GRID2: variants seen among roughly 807,000 people sequenced by gnomAD.
The protein encoded by GRID2 is glutamate receptor ionotropic, delta-2.
A neutral mutation model predicts 114.8 loss-of-function variants in GRID2; 33 were observed. That is an observed-to-expected ratio of 0.29 (90% CI 0.22 to 0.38). The LOEUF (loss-of-function observed/expected upper bound fraction) is 0.38, where lower values mean the gene tolerates loss of function less well. GRID2 is among the 10% of genes least tolerant of loss of function. GRID2 has a pLI of 1.00. For synonymous variants in GRID2, 505 were observed against 449.9 expected, an observed-to-expected ratio of 1.12 and a Z score of -1.55; for missense variants, 1,184 against 1,257.7, an observed-to-expected ratio of 0.94 and a Z score of 0.89.
chr4:92,524,431 G>C (rs751704822), intron 1 of GRID2, among the ~76,000 whole-genome samples: 2 of 52,966 alleles, frequency 3.8e-5, no homozygotes, highest in South Asian at 1.1e-3. Context: ...TTTTTTTTTT[G>C]TTTACCATCT....
chr4:93,144,687 G>C (rs979622454), intron 4 of GRID2, among the ~76,000 whole-genome samples: 1 of 152,154 alleles, frequency 6.6e-6, no homozygotes, highest in African/African-American at 2.4e-5. Flanking sequence ...ACCAAATCAG[G>C]TCAGAACCAG....
intron 2 of GRID2, among the ~76,000 whole-genome samples, chr4:92,944,013 T>C (rs1751394690): frequency 6.6e-6 from 1 of 152,176 alleles, no homozygotes; most frequent in Admixed American, 6.5e-5. Context: ...TGCCTCCCAG[T>C]TAGGCTACTC....
At chr4:92,446,700 A>G (rs983354909) in intron 1 of GRID2, among the ~76,000 whole-genome samples, 5 of 152,146 alleles carry the variant, frequency 3.3e-5, no homozygotes, top group Non-Finnish European at 7.3e-5. Context: ...TTGTATATTT[A>G]CTTGACTCAT....
At chr4:93,123,501 G>A (rs1009304436) in intron 4 of GRID2, among the ~76,000 whole-genome samples, 1 of 152,140 alleles carries the variant, frequency 6.6e-6, no homozygotes, top group African/African-American at 2.4e-5. Flanking sequence ...GCAAGTCAGT[G>A]TGGGAAGAGC....
At chr4:92,547,126 G>T (rs78592900) in intron 1 of GRID2, among the ~76,000 whole-genome samples, 27,778 of 152,024 alleles carry the variant, frequency 0.18, 2,746 homozygotes, top group African/African-American at 0.27. Flanking sequence ...TAAATATTTG[G>T]TCTCTATTAT....
At position 92,805,263 on chromosome 4, in the gene GRID2, A is replaced by G. The variant is rs185112773; in HGVS notation, c.244+214977A>G. Among the ~76,000 whole-genome samples, 411 of 151,974 alleles carry G rather than the reference A, an allele frequency of 2.7e-3. 1 individual carries two copies. The highest frequency in any genetic ancestry group is 5.0e-3 in the Non-Finnish European group (342 of 67,906). On this transcript the variant is annotated intron_variant, in intron 2 of 15. Transcript: ENST00000282020. ...TTTCTCTCTCTCTCTCTGTGCTTCA[A>G]CTACCTCATTTATACAGTTATTTTA...
chr4:93,032,397 G>A (rs529677075), intron 2 of GRID2, among the ~76,000 whole-genome samples: 1 of 152,114 alleles, frequency 6.6e-6, no homozygotes, highest in East Asian at 1.9e-4. Flanking sequence ...TTCCTTTTCT[G>A]GGGGTATTTA....
chr4:93,316,336 GAAA>G (rs55904921), intron 8 of GRID2, among the ~76,000 whole-genome samples: 20 of 53,408 alleles, frequency 3.7e-4, no homozygotes, highest in African/African-American at 1.2e-3. Flanking sequence ...AAGAAAGAAA[GAAA>G]GAAGGAAGGA....
At chr4:92,448,200 C>T (rs1173870958) in intron 1 of GRID2, among the ~76,000 whole-genome samples, 1 of 151,916 alleles carries the variant, frequency 6.6e-6, no homozygotes, top group East Asian at 1.9e-4. Context: ...CAGTCTCACT[C>T]TGTCACCCAG....
intron 12 of GRID2, among the ~76,000 whole-genome samples, chr4:93,502,097 G>A (rs1441744315): frequency 6.6e-6 from 1 of 152,086 alleles, no homozygotes; most frequent in Non-Finnish European, 1.5e-5. Flanking sequence ...ATCCTTTTGT[G>A]AAATTAATGT....
chr4:92,311,074 T>C (rs1204002465), intron 1 of GRID2, among the ~76,000 whole-genome samples: 1 of 152,042 alleles, frequency 6.6e-6, no homozygotes, highest in Non-Finnish European at 1.5e-5. Context: ...TGTCTATTAT[T>C]AGTACCAAGG....
chr4:92,917,236 G>A (rs913720347), intron 2 of GRID2, among the ~76,000 whole-genome samples: 7 of 152,078 alleles, frequency 4.6e-5, no homozygotes, highest in Non-Finnish European at 1.0e-4. Flanking sequence ...ATTTTTTTGA[G>A]TTCATTGTAG....
intron 2 of GRID2, among the ~76,000 whole-genome samples, chr4:92,858,558 GT>G (rs1015403873): frequency 6.6e-6 from 1 of 151,786 alleles, no homozygotes; most frequent in Non-Finnish European, 1.5e-5. Context: ...GAGTTTGTTT[GT>G]TTTTTTTCTT....
chr4:92,729,799 A>G (rs1049897149), intron 2 of GRID2, among the ~76,000 whole-genome samples: 1 of 148,914 alleles, frequency 6.7e-6, no homozygotes, highest in East Asian at 2.1e-4. Context: ...TCCTTGAAGT[A>G]TTGCAAAAAT....
chr4:92,875,649 A>G (rs1393760953), intron 2 of GRID2, among the ~76,000 whole-genome samples: 2 of 152,170 alleles, frequency 1.3e-5, no homozygotes, highest in African/African-American at 2.4e-5. Context: ...CAGATATGGC[A>G]CAATACATGG....
At chr4:92,801,543 T>C (rs1740170482) in intron 2 of GRID2, among the ~76,000 whole-genome samples, 1 of 151,944 alleles carries the variant, frequency 6.6e-6, no homozygotes, top group Non-Finnish European at 1.5e-5. Context: ...CATATAGATT[T>C]CTTTGTTTTA....
chr4:93,428,800 A>G (rs1477372812), intron 10 of GRID2, among the ~76,000 whole-genome samples: 9 of 152,206 alleles, frequency 5.9e-5, no homozygotes, highest in Non-Finnish European at 1.3e-4. Flanking sequence ...AATATTTACA[A>G]CACAATATAC....
chr4:93,220,760 A>T (rs940538027), intron 6 of GRID2, among the ~76,000 whole-genome samples: 5 of 152,170 alleles, frequency 3.3e-5, no homozygotes, highest in African/African-American at 1.2e-4. Flanking sequence ...AGTGATAAAC[A>T]TTCTATTCCT....
chr4:93,631,288 A>G (rs1720834410), intron 14 of GRID2, among the ~76,000 whole-genome samples: 1 of 151,880 alleles, frequency 6.6e-6, no homozygotes, highest in African/African-American at 2.4e-5. Flanking sequence ...ACATATGTAT[A>G]CATGTGCCAT....
Sources: gnomAD v4.1 joint callset for allele counts (sites outside exome capture counted in the v4.1 genomes callset) on GRCh38, gnomAD v4.1.1 for gene constraint, MANE v1.5 for transcripts, NCBI Gene and HGNC (gene_info 2026-07-23, HGNC 2026-07-21) for gene names.